Variants in CHLSN observed in about 807,000 individuals in gnomAD.
CHLSN encodes protein cholesin.
the CHLSN span, among the ~76,000 whole-genome samples, chr7:1,124,908 C>T: frequency 6.6e-6 from 1 of 152,194 alleles, no homozygotes; most frequent in Non-Finnish European, 1.5e-5. Context: ...GCCTCAGCCT[C>T]CGGGTGACCT....
chr7:1,023,455 C>A, the CHLSN span, among the ~76,000 whole-genome samples: 1 of 152,036 alleles, frequency 6.6e-6, no homozygotes, highest in Non-Finnish European at 1.5e-5. The surrounding 1 kb of genome is among the most constrained non-coding windows in gnomAD (Gnocchi z 5.0). Flanking sequence ...CCTCTGACAG[C>A]ACACCCGAGG....
the CHLSN span, among the ~76,000 whole-genome samples, chr7:1,099,142 T>G: frequency 7.3e-6 from 1 of 137,728 alleles, no homozygotes; most frequent in Non-Finnish European, 1.6e-5. Flanking sequence ...CGGCCTCCCC[T>G]TCCGGAGCCT....
chr7:1,040,850 T>C, the CHLSN span, among the ~76,000 whole-genome samples: 1 of 152,236 alleles, frequency 6.6e-6, no homozygotes, highest in Non-Finnish European at 1.5e-5. Context: ...CTAGAACACA[T>C]AAACAACGAG....
At chr7:1,136,565 T>TATATAAAC in the CHLSN span, among the ~76,000 whole-genome samples, 1 of 56,778 alleles carries the variant, frequency 1.8e-5, no homozygotes, top group African/African-American at 6.5e-5. Flanking sequence ...TATATAAACA[T>TATATAAAC]ATAAACATAA....
the CHLSN span, among the ~76,000 whole-genome samples, chr7:981,359 A>C: frequency 6.6e-6 from 1 of 152,018 alleles, no homozygotes; most frequent in African/African-American, 2.4e-5. Context: ...CATGCTAGTA[A>C]TCCCAGCGCT....
chr7:1,081,278 A>T, the CHLSN span, among the ~76,000 whole-genome samples: 1 of 152,170 alleles, frequency 6.6e-6, no homozygotes, highest in African/African-American at 2.4e-5. Context: ...TGACCTTGCC[A>T]GGCTGGGATT....
chr7:1,056,894 T>TC, the CHLSN span: 1 of 152,646 alleles, frequency 6.6e-6, no homozygotes, highest in Non-Finnish European at 1.5e-5. Flanking sequence ...AAATTCTTAC[T>TC]CTAGGATGGC....
chr7:1,061,993 C>T, the CHLSN span, among the ~76,000 whole-genome samples: 1 of 152,196 alleles, frequency 6.6e-6, no homozygotes, highest in African/African-American at 2.4e-5. Context: ...TTCTTCCAGG[C>T]AGCCGTCTGC....
chr7:1,064,631 G>A, the CHLSN span, among the ~76,000 whole-genome samples: 2 of 152,298 alleles, frequency 1.3e-5, no homozygotes, highest in Admixed American at 6.5e-5. Flanking sequence ...GGCAGACAAA[G>A]GCTGAGTCTC....
the CHLSN span, among the ~76,000 whole-genome samples, chr7:1,004,076 C>T: frequency 1.3e-5 from 2 of 152,102 alleles, no homozygotes; most frequent in East Asian, 3.9e-4. Context: ...GGTGACACGC[C>T]AGCCCCATGT....
At chr7:1,104,273 C>T in the CHLSN span, among the ~76,000 whole-genome samples, 3 of 152,342 alleles carry the variant, frequency 2.0e-5, no homozygotes, top group African/African-American at 2.4e-5. Flanking sequence ...AAGCATCATC[C>T]GCCATGCATG....
At chr7:1,115,482 G>A in the CHLSN span, among the ~76,000 whole-genome samples, 2 of 150,938 alleles carry the variant, frequency 1.3e-5, no homozygotes, top group East Asian at 3.9e-4. Flanking sequence ...GCCCACGCAG[G>A]ATGACTTCAC....
the CHLSN span, among the ~76,000 whole-genome samples, chr7:1,123,297 G>A: frequency 3.3e-5 from 5 of 152,350 alleles, no homozygotes; most frequent in Non-Finnish European, 2.9e-5. The surrounding 1 kb of genome is among the most constrained non-coding windows in gnomAD (Gnocchi z 4.4). Flanking sequence ...CGATCCTGGC[G>A]CAAGCTCAGA....
the CHLSN span, among the ~76,000 whole-genome samples, chr7:1,053,022 C>T: frequency 6.6e-6 from 1 of 152,364 alleles, no homozygotes; most frequent in Admixed American, 6.5e-5. Flanking sequence ...TGAAGGAAGT[C>T]AGCAGAGTGC....
chr7:1,016,571 G>A, the CHLSN span, among the ~76,000 whole-genome samples: 4 of 132,554 alleles, frequency 3.0e-5, no homozygotes, highest in Non-Finnish European at 6.4e-5. Flanking sequence ...GCGCACACCA[G>A]TACACAGCAG....
chr7:980,091 A>G, the CHLSN span, among the ~76,000 whole-genome samples: 2 of 152,210 alleles, frequency 1.3e-5, no homozygotes, highest in African/African-American at 4.8e-5. Context: ...TTACGCAAAG[A>G]CAGTGTGGTT....
At chr7:1,132,695 A>T in the CHLSN span, among the ~76,000 whole-genome samples, 8 of 50,424 alleles carry the variant, frequency 1.6e-4, no homozygotes, top group South Asian at 2.9e-3. Flanking sequence ...ACCTGTCTTT[A>T]AAAAAAAAAA....
chr7:1,028,397 GA>G, the CHLSN span: 6 of 987,348 alleles, frequency 6.1e-6, no homozygotes, highest in Non-Finnish European at 7.2e-6. Context: ...GGCGCGGCTG[GA>G]ACCAGATCCA....
chr7:1,124,081 G>A, the CHLSN span, among the ~76,000 whole-genome samples: 3 of 152,258 alleles, frequency 2.0e-5, no homozygotes, highest in African/African-American at 4.8e-5. Flanking sequence ...CCCTCAAAGC[G>A]TAGCTGGAGG....
Sources: gnomAD v4.1 joint callset for allele counts (sites outside exome capture counted in the v4.1 genomes callset) on GRCh38, gnomAD v4.1.1 for gene constraint, Gnocchi (gnomAD v3.1) non-coding constraint, MANE v1.5 for transcripts, NCBI Gene and HGNC (gene_info 2026-07-23, HGNC 2026-07-21) for gene names.